AZIN1: variants seen among roughly 807,000 people sequenced by gnomAD.
The protein encoded by AZIN1 is antizyme inhibitor 1.
AZIN1 carries 12 observed loss-of-function variants against 47.4 expected under a neutral mutation model. That is an observed-to-expected ratio of 0.25 (90% CI 0.16 to 0.41). AZIN1 has a LOEUF of 0.41. Ranked by LOEUF, AZIN1 falls within the 10% of genes least tolerant of loss-of-function variation. AZIN1 has a pLI of 1.00. For synonymous variants in AZIN1, 155 were observed against 176.3 expected, an observed-to-expected ratio of 0.88 and a Z score of 0.96; for missense variants, 410 against 532.4, an observed-to-expected ratio of 0.77 and a Z score of 2.26.
At chr8:102,845,573 GTTTA>G (rs1812518452) in intron 2 of AZIN1, among the ~76,000 whole-genome samples, 2 of 152,206 alleles carry the variant, frequency 1.3e-5, no homozygotes, top group Admixed American at 1.3e-4. Flanking sequence ...AAGAATACAT[GTTTA>G]TTTTAAGCAA....
intron 1 of AZIN1, among the ~76,000 whole-genome samples, chr8:102,858,722 A>T (rs1009565167): frequency 6.6e-6 from 1 of 152,234 alleles, no homozygotes; most frequent in African/African-American, 2.4e-5. Context: ...AAAACATAAA[A>T]TAACTTGAGA....
At position 102,828,088 on chromosome 8, in the gene AZIN1, C is replaced by T. The variant is rs1030668718; in HGVS notation, c.*479G>A. ...ATGATGCAATTTTACATTTATTAAA[C>T]TACAGTTCAAAGCACAAATTTACAC... On this transcript the variant is annotated 3_prime_UTR_variant, in exon 12 of 12. Transcript: ENST00000337198. 2.0e-5 allele frequency: 3 copies of T among 152,778 alleles called. No homozygotes were observed. The highest frequency in any genetic ancestry group is 7.2e-5 in the African/African-American group (3 of 41,572). 9.5% of individuals were successfully genotyped at this position (152,778 alleles called of 1,614,324 possible).
chr8:102,855,116 A>C (rs1427106343), intron 2 of AZIN1, among the ~76,000 whole-genome samples: 2 of 152,078 alleles, frequency 1.3e-5, no homozygotes, highest in African/African-American at 2.4e-5. Context: ...GTGCAATGGC[A>C]CGATCTCGGC....
intron 1 of AZIN1, among the ~76,000 whole-genome samples, chr8:102,859,724 T>C (rs1813511832): frequency 6.6e-6 from 1 of 152,134 alleles, no homozygotes; most frequent in Non-Finnish European, 1.5e-5. Context: ...TAATCCCAGC[T>C]ACTCAGGAGC....
chr8:102,831,773 G>A (rs1247699593), intron 9 of AZIN1, among the ~76,000 whole-genome samples: 8 of 151,552 alleles, frequency 5.3e-5, no homozygotes, highest in African/African-American at 1.5e-4. Context: ...GAAACACGAC[G>A]AAACCCTCTA....
At chr8:102,852,949 A>C (rs1813013450) in intron 2 of AZIN1, among the ~76,000 whole-genome samples, 1 of 152,240 alleles carries the variant, frequency 6.6e-6, no homozygotes, top group South Asian at 2.1e-4. Flanking sequence ...AGTTTAGAAC[A>C]GTAGCCTGCC....
intron 3 of AZIN1, among the ~76,000 whole-genome samples, chr8:102,841,668 GAGA>G (rs904608536): frequency 6.6e-6 from 1 of 152,034 alleles, no homozygotes; most frequent in African/African-American, 2.4e-5. Context: ...TTAAGGTCAA[GAGA>G]AGGAGAAAAT....
chr8:102,860,292 T>A (rs1046522780), intron 1 of AZIN1, among the ~76,000 whole-genome samples: 3 of 152,212 alleles, frequency 2.0e-5, no homozygotes, highest in African/African-American at 7.2e-5. Flanking sequence ...AGACGGAGTC[T>A]CGCTCTGTCA....
intron 2 of AZIN1, among the ~76,000 whole-genome samples, chr8:102,844,442 G>C (rs1315724828): frequency 2.0e-5 from 3 of 152,144 alleles, no homozygotes; most frequent in Non-Finnish European, 4.4e-5. Context: ...GATACAGACT[G>C]CCTAAGCCTT....
At chr8:102,844,771 G>C (rs1035175211) in intron 2 of AZIN1, among the ~76,000 whole-genome samples, 7 of 152,112 alleles carry the variant, frequency 4.6e-5, no homozygotes, top group Non-Finnish European at 8.8e-5. Context: ...TTAGGTATCT[G>C]TACATCCTGA....
intron 2 of AZIN1, among the ~76,000 whole-genome samples, chr8:102,851,470 G>A (rs1812913131): frequency 6.6e-6 from 1 of 152,234 alleles, no homozygotes; most frequent in African/African-American, 2.4e-5. Context: ...CACTTTGGGA[G>A]GCTGACGCAG....
intron 2 of AZIN1, among the ~76,000 whole-genome samples, chr8:102,848,087 A>T (rs1812686558): frequency 6.6e-6 from 1 of 152,202 alleles, no homozygotes; most frequent in Admixed American, 6.5e-5. Context: ...AACTGTCAAC[A>T]GTATTCAGTA....
chr8:102,839,577 C>T, intron 4 of AZIN1, 73 bp downstream of exon 4: 3 of 1,107,624 alleles, frequency 2.7e-6, no homozygotes, highest in Non-Finnish European at 3.6e-6. Flanking sequence ...TGCATTTGTT[C>T]TCTAACCGCT....
rs1812366301 is a variant in AZIN1 at position 102,843,631 on chromosome 8, C to T, written c.22G>A (p.Ala8Thr). ...TCCAACAGGCCAACGGAGTAGTTTG[C>T]ATCATCAATAAATCCTTTCATCTCA... is the stretch of plus-strand genomic sequence containing the variant. Reference protein sequence around the residue: MKGFIDDANYSVGLLDEG... With the variant: MKGFIDDTNYSVGLLDEG... Residue 8 changes from alanine to threonine, a missense_variant, in exon 3 of 12, where the codon GCA becomes ACA. By Grantham distance (58) the Ala-to-Thr change is moderately conservative. Around this residue, in one of 3 missense-constraint regions of AZIN1, gnomAD observed 237 missense variants for 309.4 expected, o/e 0.77. Coordinates refer to ENST00000337198, the MANE Select transcript of AZIN1 (RefSeq NM_148174.4). 2.5e-6 allele frequency: 4 copies of T among 1,613,940 alleles called. No individual in the cohort carries two copies. The highest frequency in any genetic ancestry group is 3.4e-6 in the Non-Finnish European group (4 of 1,179,910).
chr8:102,851,131 C>G (rs1380983555), intron 2 of AZIN1, among the ~76,000 whole-genome samples: 1 of 152,092 alleles, frequency 6.6e-6, no homozygotes, highest in Non-Finnish European at 1.5e-5. Context: ...TGTACCTGCA[C>G]TCAAGTGAAA....
At chr8:102,832,262 A>G (rs1023463039) in intron 9 of AZIN1, among the ~76,000 whole-genome samples, 2 of 152,212 alleles carry the variant, frequency 1.3e-5, no homozygotes, top group African/African-American at 4.8e-5. Context: ...CTGTAAAAAA[A>G]AGACAATATT....
chr8:102,839,864 A>C (rs141334277), intron 3 of AZIN1, 41 bp from the exon 4 acceptor site: 1 of 1,462,654 alleles, frequency 6.8e-7, no homozygotes, highest in Non-Finnish European at 9.3e-7. Flanking sequence ...TGAACAAAAA[A>C]CCATTGAAAA....
chr8:102,832,945 T>C (rs1018014981), intron 9 of AZIN1, 111 bp downstream of exon 9: 1 of 1,003,184 alleles, frequency 1.0e-6, no homozygotes, highest in African/African-American at 1.6e-5. Flanking sequence ...CGGCCAGTTT[T>C]AAGATTTTTA....
intron 2 of AZIN1, 144 bp from the exon 3 acceptor site, chr8:102,843,891 T>C: frequency 1.7e-6 from 1 of 598,022 alleles, no homozygotes; most frequent in Non-Finnish European, 2.6e-6. Flanking sequence ...TAATTTCCTT[T>C]AACGCCCATT....
Sources: allele counts gnomAD v4.1 joint callset (sites outside exome capture counted in the v4.1 genomes callset), GRCh38; gene constraint gnomAD v4.1.1; regional missense constraint gnomAD v4.1.1; transcripts MANE v1.5; gene names NCBI Gene and HGNC (gene_info 2026-07-23, HGNC 2026-07-21).